ITGB4: variants seen among roughly 807,000 people sequenced by gnomAD.
ITGB4 encodes the protein integrin subunit beta 4.
A neutral mutation model predicts 207.6 loss-of-function variants in ITGB4; 159 were observed. That is an observed-to-expected ratio of 0.77 (90% CI 0.67 to 0.87). ITGB4 has a LOEUF of 0.87. ITGB4 is among the 40% of genes least tolerant of loss of function. The probability of loss-of-function intolerance (pLI) is 0.00; values close to 1 mark genes in which losing one functional copy is unlikely to be tolerated. For missense variants in ITGB4, 2,278 were observed against 2,546.8 expected, an observed-to-expected ratio of 0.89 and a Z score of 2.27; for synonymous variants, 1,020 against 1,062.7, an observed-to-expected ratio of 0.96 and a Z score of 0.78.
chr17:75,743,118 G>A (rs960483581), intron 25 of ITGB4, among the ~76,000 whole-genome samples: 2 of 152,106 alleles, frequency 1.3e-5, no homozygotes, highest in African/African-American at 4.8e-5. Context: ...CCTCAGGCCT[G>A]TTCCTGCTCT....
chr17:75,728,338 A>C (rs757859924), intron 5 of ITGB4, 39 bp from the exon 6 acceptor site: 2 of 1,581,234 alleles, frequency 1.3e-6, no homozygotes, highest in Non-Finnish European at 1.7e-6. Context: ...GCCAGGCATC[A>C]GGGCTCAGCT....
chr17:75,751,901 T>C lies in ITGB4; in HGVS notation c.3794-273T>C, dbSNP rs868803306. ...CTTGTGTGGAGGCACCGTGGATATA[T>C]GGGTAGAGGTGACATCGAGGCCAAC... On this transcript the variant is annotated intron_variant, in intron 30 of 39. Coordinates refer to ENST00000200181, the MANE Select transcript of ITGB4 (RefSeq NM_000213.5). 52 of 522,470 alleles carry C rather than the reference T, an allele frequency of 1.0e-4. 1 individual carries two copies. In the Middle Eastern group the frequency reaches 2.6e-3, roughly 26 times the overall value. 32.4% of individuals were successfully genotyped at this position (522,470 alleles called of 1,614,324 possible).
rs544909420 is a variant in ITGB4, at chr17:75,746,906, G to A, written c.3112-1935G>A. ...ATAGTGCCACTGCACTCCAGCCTGG[G>A]TGACAGAGTGAAACCCCTGTCTCAA... On this transcript the variant is annotated intron_variant, in intron 26 of 39. Transcript: ENST00000200181. Among the ~76,000 whole-genome samples, 24 of 144,666 alleles carry A rather than the reference G, an allele frequency of 1.7e-4. No homozygotes were observed. The South Asian group carries it at 4.8e-3, about 29-fold the overall frequency. The allele number at this position is 144,666 out of a possible 152,430, so 94.9% of individuals were successfully genotyped here.
intron 26 of ITGB4, among the ~76,000 whole-genome samples, chr17:75,747,163 G>A (rs2061250710): frequency 6.6e-6 from 1 of 151,974 alleles, no homozygotes; most frequent in South Asian, 2.1e-4. Context: ...TCTTCACATT[G>A]ATTATACTAG....
rs907713944 is a variant in ITGB4, at chr17:75,731,430, C to T, written c.1215+62C>T. 4.6e-5 allele frequency: 71 copies of T among 1,533,826 alleles called. No homozygotes were observed. The highest frequency in any genetic ancestry group is 1.0e-4 in the South Asian group (9 of 86,962). ...CACAGCGCCCCACACCGAGTGGAAT[C>T]GTTTAAAACAGCGGTCAAGAGCGTG... On this transcript the variant is annotated intron_variant, in intron 10 of 39. Transcript: ENST00000200181. The surrounding 1 kb of genome is among the most constrained non-coding windows in gnomAD (Gnocchi z 6.8).
Position 75,750,351 on chromosome 17 carries a change from C to T in ITGB4, c.3474+83C>T. 7.2e-7 allele frequency: 1 copy of T among 1,388,312 alleles called. No homozygotes were observed. Among genetic ancestry groups the T allele is most frequent in the Non-Finnish European group, 9.8e-7 (1 of 1,015,712 alleles). The allele number at this position is 1,388,312 out of a possible 1,614,324, so 86.0% of individuals were successfully genotyped here. A position where few individuals can be genotyped will look rare whatever the true frequency, so the allele number is the denominator to read the frequency against. ...ACAGAAGAGGTGGGCCGTCCAAGGC[C>T]AGGGCCCCCTGAGAGAGAGCAGACA... On this transcript the variant is annotated intron_variant, in intron 28 of 39. Transcript: ENST00000200181. The surrounding 1 kb of genome is among the most constrained non-coding windows in gnomAD (Gnocchi z 5.5).
In ITGB4 at chr17:75,757,775, C is replaced by T. The variant is rs1378772191; in HGVS notation, c.*220C>T. 1 of 694,080 alleles carries T rather than the reference C, an allele frequency of 1.4e-6. No homozygotes were observed. 43.0% of individuals were successfully genotyped at this position (694,080 alleles called of 1,614,324 possible). On this transcript the variant is annotated 3_prime_UTR_variant, in exon 40 of 40. Transcript: ENST00000200181. The stretch of plus-strand genomic sequence containing the variant: ...CAAAGAGCTGGGAGCAGCACAAGGA[C>T]CCAGCCTTTGTTCTGCACTTAATAA...
chr17:75,731,721 T>G lies in ITGB4; in HGVS notation c.1216-91T>G. 1 of 1,390,210 alleles carries G rather than the reference T, an allele frequency of 7.2e-7. No individual in the cohort carries two copies. The highest frequency in any genetic ancestry group is 9.6e-7 in the Non-Finnish European group (1 of 1,037,296). 86.1% of individuals were successfully genotyped at this position (1,390,210 alleles called of 1,614,324 possible). On this transcript the variant is annotated intron_variant, in intron 10 of 39. Coordinates refer to ENST00000200181, the MANE Select transcript of ITGB4 (RefSeq NM_000213.5). This position sits in a 1 kb window ranked among gnomAD's most constrained non-coding sequence, Gnocchi z 6.8. ...TCATTTCAGGGATCCAGACATCTCC[T>G]AGGAACTTGGGGGCCGAGGGCCTTC...
chr17:75,750,066 G>A lies in ITGB4; in HGVS notation c.3317-45G>A, dbSNP rs750487581. On this transcript the variant is annotated intron_variant, in intron 27 of 39. Transcript: ENST00000200181. This position sits in a 1 kb window ranked among gnomAD's most constrained non-coding sequence, Gnocchi z 5.5. ...TGGGTCTCTGGCGCCCCCTGGTGGT[G>A]AAGGGGGATCTGAGTGGTTGCCCGG... The A allele has an allele frequency of 6.8e-5, 109 of 1,611,494 alleles. No individual in the cohort carries two copies. Among genetic ancestry groups the A allele is most frequent in the Middle Eastern group, 3.3e-4 (2 of 6,060 alleles).
chr17:75,752,335 C>T lies in ITGB4; in HGVS notation c.3955C>T (p.Gln1319Ter). ...GGAGGCCATCATCAACCTGGCCACC[C>T]AGCCCAAGAGGCCCATGTCCAGTGA... ...EREAIINLATQPKRPMSIPII... is the reference protein window; with the variant it reads ...EREAIINLAT Residue 1319 changes from glutamine to a stop codon, truncating the protein, a stop_gained, in exon 31 of 40, where the codon CAG becomes TAG. Transcript: ENST00000200181. LOFTEE classifies it high-confidence loss of function. 6.2e-7 allele frequency: 1 copy of T among 1,612,752 alleles called. No homozygotes were observed.
chr17:75,757,661 C>T lies in ITGB4; in HGVS notation c.*106C>T. The T allele has an allele frequency of 6.8e-7, 1 of 1,475,732 alleles. No individual in the cohort carries two copies. The highest frequency in any genetic ancestry group is 9.4e-7 in the Non-Finnish European group (1 of 1,058,974). 91.4% of individuals were successfully genotyped at this position (1,475,732 alleles called of 1,614,324 possible). Reference sequence around the variant, plus strand: ...CTTGCACCCCTGGGGGCCCAGCCCACCCGCATGCACAGAGCAGGGGCTAGG... The same window carrying T: ...CTTGCACCCCTGGGGGCCCAGCCCATCCGCATGCACAGAGCAGGGGCTAGG... On this transcript the variant is annotated 3_prime_UTR_variant, in exon 40 of 40. Coordinates refer to ENST00000200181, the MANE Select transcript of ITGB4 (RefSeq NM_000213.5).
intron 1 of ITGB4, among the ~76,000 whole-genome samples, chr17:75,723,732 G>A (rs1248776975): frequency 2.0e-5 from 3 of 152,260 alleles, no homozygotes; most frequent in African/African-American, 7.2e-5. Flanking sequence ...GGCTGAGACA[G>A]GATTCAATGG....
rs752408040 is a variant in ITGB4, at chr17:75,748,832, C to T, written c.3112-9C>T. On this transcript the variant is annotated splice_polypyrimidine_tract_variant and intron_variant, in intron 26 of 39. Coordinates refer to ENST00000200181, the MANE Select transcript of ITGB4 (RefSeq NM_000213.5). ...CCATGACCCTGACCCTGACCCCCTC[C>T]ACTCCCAGGACTACATCCCCGTGGA... 2 of 1,601,544 alleles carry T rather than the reference C, an allele frequency of 1.2e-6. No individual in the cohort carries two copies. The highest frequency in any genetic ancestry group is 2.2e-5 in the South Asian group (2 of 89,156).
At chr17:75,747,439 A>G (rs1044272977) in intron 26 of ITGB4, among the ~76,000 whole-genome samples, 6 of 152,196 alleles carry the variant, frequency 3.9e-5, no homozygotes, top group Non-Finnish European at 8.8e-5. Flanking sequence ...AGATTGCGCC[A>G]CTTCACTCCA....
chr17:75,752,890 G>A (rs1188007991), intron 32 of ITGB4, among the ~76,000 whole-genome samples: 1 of 152,158 alleles, frequency 6.6e-6, no homozygotes, highest in African/African-American at 2.4e-5. Context: ...CCCAGGGGCA[G>A]GCCTGGCCCA....
In ITGB4 at chr17:75,727,299, G is replaced by C. The variant is rs369324606; in HGVS notation, c.162+22G>C. On this transcript the variant is annotated intron_variant, in intron 3 of 39. Transcript: ENST00000200181. This position sits in a 1 kb window ranked among gnomAD's most constrained non-coding sequence, Gnocchi z 6.0. ...CGAGGTGAGGACCTGGCCCGGGTTG[G>C]TGTGGAACAGGCAAGGGTCGGGAAT... is the stretch of plus-strand genomic sequence containing the variant. 4.3e-6 allele frequency: 7 copies of C among 1,613,500 alleles called. No homozygotes were observed. Among genetic ancestry groups the C allele is most frequent in the Non-Finnish European group, 5.9e-6 (7 of 1,179,732 alleles).
Position 75,753,926 on chromosome 17 carries a change from G to A in ITGB4, c.4270G>A (p.Gly1424Arg). ...HGPPDDGGAGGKGGSLPRSAT... is the reference protein window; with the variant it reads ...HGPPDDGGAGRKGGSLPRSAT... Reference sequence around the variant, plus strand: ...GCCCCCGGACGACGGCGGCGCGGGCGGGAAGGGCGGCAGCCTGCCCCGCAG... The same window carrying A: ...GCCCCCGGACGACGGCGGCGCGGGCAGGAAGGGCGGCAGCCTGCCCCGCAG... Residue 1424 changes from glycine (G) to arginine (R), a missense_variant, in exon 33 of 40, where the codon GGG becomes AGG. Gly to Arg is a moderately radical substitution (Grantham distance 125). Coordinates refer to ENST00000200181, the MANE Select transcript of ITGB4 (RefSeq NM_000213.5). 2 of 1,285,014 alleles carry A rather than the reference G, an allele frequency of 1.6e-6. No individual in the cohort carries two copies. The highest frequency in any genetic ancestry group is 1.6e-5 in the African/African-American group (1 of 64,452). 79.6% of individuals were successfully genotyped at this position (1,285,014 alleles called of 1,614,324 possible).
chr17:75,733,402 TAATTA>T (rs942209742), intron 12 of ITGB4, 83 bp from the exon 13 acceptor site: 57 of 1,067,498 alleles, frequency 5.3e-5, no homozygotes, highest in South Asian at 1.4e-4. Flanking sequence ...AAAAATAAAA[TAATTA>T]AATTAAATTA....
Position 75,727,948 on chromosome 17 carries a change from C to A in ITGB4, c.469+93C>A. Reference sequence around the variant, plus strand: ...CAGGACTCAGGACAGCTGCACCCACCCAGAAGGAAACACTGGACATTTGAG... The same window carrying A: ...CAGGACTCAGGACAGCTGCACCCACACAGAAGGAAACACTGGACATTTGAG... On this transcript the variant is annotated intron_variant, in intron 5 of 39. Transcript: ENST00000200181. This position sits in a 1 kb window ranked among gnomAD's most constrained non-coding sequence, Gnocchi z 6.0. 8.6e-7 allele frequency: 1 copy of A among 1,169,546 alleles called. No homozygotes were observed. Among genetic ancestry groups the A allele is most frequent in the Non-Finnish European group, 1.3e-6 (1 of 798,090 alleles). 72.4% of individuals were successfully genotyped at this position (1,169,546 alleles called of 1,614,324 possible). A position where few individuals can be genotyped will look rare whatever the true frequency, so the allele number is the denominator to read the frequency against.
Sources: gnomAD v4.1 joint callset for allele counts (sites outside exome capture counted in the v4.1 genomes callset) on GRCh38, gnomAD v4.1.1 for gene constraint, Gnocchi (gnomAD v3.1) non-coding constraint, MANE v1.5 for transcripts, NCBI Gene and HGNC (gene_info 2026-07-23, HGNC 2026-07-21) for gene names.